PDCD4: variants seen among roughly 807,000 people sequenced by gnomAD.
PDCD4 encodes programmed cell death protein 4.
PDCD4 carries 56 observed loss-of-function variants against 54.0 expected under a neutral mutation model. That is an observed-to-expected ratio of 1.04 (90% CI 0.84 to 1.30). The LOEUF is 1.30. PDCD4 is among the 50% of genes most tolerant of loss of function. The pLI, the probability that PDCD4 is intolerant of heterozygous loss-of-function variation, is 0.00. For missense variants in PDCD4, 584 were observed against 559.8 expected (o/e 1.04, Z -0.44); for synonymous variants, 186 against 194.8 (o/e 0.95, Z 0.37).
chr10:110,896,098 T>G lies in PDCD4; in HGVS notation c.1349+11T>G. 1.9e-6 allele frequency: 3 copies of G among 1,569,456 alleles called. No homozygotes were observed. The South Asian group carries it at 3.5e-5, about 18-fold the overall frequency. On this transcript the variant is annotated intron_variant, in intron 11 of 11. Coordinates refer to ENST00000280154, the MANE Select transcript of PDCD4 (RefSeq NM_014456.5). ...TCTTTGTCCTTCAAGGTACTTTATT[T>G]AAATACTACTTTCTCAATGTAAAAT... is the stretch of plus-strand genomic sequence containing the variant.
At chr10:110,878,490 A>G (rs1845541364) in intron 2 of PDCD4, among the ~76,000 whole-genome samples, 2 of 152,200 alleles carry the variant, frequency 1.3e-5, no homozygotes, top group African/African-American at 2.4e-5. Flanking sequence ...TTACAGGTAG[A>G]TGTTTAATGT....
intron 5 of PDCD4, among the ~76,000 whole-genome samples, chr10:110,885,811 GT>G (rs1430622966): frequency 6.6e-6 from 1 of 151,254 alleles, no homozygotes; most frequent in Non-Finnish European, 1.5e-5. Flanking sequence ...TTTGTACTTT[GT>G]CCAAAAAAAA....
intron 3 of PDCD4, 100 bp downstream of exon 3, chr10:110,881,635 T>A (rs938367942): frequency 1.0e-6 from 1 of 955,096 alleles, no homozygotes; most frequent in African/African-American, 1.6e-5. Flanking sequence ...TGAGAGAGAT[T>A]CAAAAAGTGA....
At chr10:110,892,398 G>C (rs377430366) in intron 8 of PDCD4, among the ~76,000 whole-genome samples, 9 of 152,098 alleles carry the variant, frequency 5.9e-5, no homozygotes, top group African/African-American at 2.2e-4. Context: ...TGAGTTTGAG[G>C]TTGACATTAT....
At chr10:110,873,524 C>T (rs1845454700) in intron 1 of PDCD4, among the ~76,000 whole-genome samples, 1 of 152,172 alleles carries the variant, frequency 6.6e-6, no homozygotes, top group African/African-American at 2.4e-5. Context: ...TTTCGTGTAA[C>T]ACACTGGAGA....
At chr10:110,895,199 G>A (rs944606707) in intron 10 of PDCD4, among the ~76,000 whole-genome samples, 1 of 152,022 alleles carries the variant, frequency 6.6e-6, no homozygotes, top group Non-Finnish European at 1.5e-5. Context: ...TATAGTACCT[G>A]ATAGGTAATT....
At chr10:110,872,347 C>G (rs1845424926) in intron 1 of PDCD4, 1 of 152,316 alleles carries the variant, frequency 6.6e-6, no homozygotes. Context: ...CCTTGAAGGT[C>G]CCCCTCAGCC....
Position 110,885,385 on chromosome 10 carries a change from G to T in PDCD4, c.555+19G>T. 3 of 1,143,336 alleles carry T rather than the reference G, an allele frequency of 2.6e-6. No individual in the cohort carries two copies. The highest frequency in any genetic ancestry group is 3.9e-6 in the Non-Finnish European group (3 of 765,588). The allele number at this position is 1,143,336 out of a possible 1,614,324, so 70.8% of individuals were successfully genotyped here. On this transcript the variant is annotated intron_variant, in intron 5 of 11. Transcript: ENST00000280154. The stretch of plus-strand genomic sequence containing the variant: ...AGTTGCGGTAGGTTTAAAGTTGCAA[G>T]TATAATTTATTTAATATAGGAGAGA...
At chr10:110,877,408 C>CT (rs1203690351) in intron 2 of PDCD4, among the ~76,000 whole-genome samples, 3 of 152,076 alleles carry the variant, frequency 2.0e-5, no homozygotes, top group Non-Finnish European at 4.4e-5. Flanking sequence ...TGTGGCTACT[C>CT]TGAGTTGAGA....
At chr10:110,885,156 G>A in intron 4 of PDCD4, 97 bp from the exon 5 acceptor site, 1 of 629,436 alleles carries the variant, frequency 1.6e-6, no homozygotes, top group Non-Finnish European at 2.8e-6. Context: ...TGCTAAGTGG[G>A]GATTATTAAC....
Position 110,895,976 on chromosome 10 carries a change from C to T in PDCD4, c.1238C>T (p.Pro413Leu), listed in dbSNP as rs143151331. Reference protein sequence around the residue: ...RGYERIYNEIPDINLDVPHSY... With the variant: ...RGYERIYNEILDINLDVPHSY... The stretch of plus-strand genomic sequence containing the variant: ...TATGAGAGAATTTACAATGAAATTC[C>T]GGACATTAATCTGGATGTCCCACAT... Residue 413 changes from proline to leucine, a missense_variant, in exon 11 of 12, where the codon CCG (proline) becomes CTG (leucine). Pro to Leu is a moderately conservative substitution (Grantham distance 98). Transcript: ENST00000280154. 2.0e-5 allele frequency: 32 copies of T among 1,602,576 alleles called. No individual in the cohort carries two copies. The highest frequency in any genetic ancestry group is 8.6e-5 in the Admixed American group (5 of 58,280).
chr10:110,872,717 C>A (rs540275750), intron 1 of PDCD4, among the ~76,000 whole-genome samples: 229 of 152,358 alleles, frequency 1.5e-3, no homozygotes, highest in African/African-American at 5.1e-3. Context: ...GCCCGTCTTC[C>A]GGCAAAGGGT....
chr10:110,878,233 G>A (rs1016220608), intron 2 of PDCD4, among the ~76,000 whole-genome samples: 3 of 152,104 alleles, frequency 2.0e-5, no homozygotes, highest in African/African-American at 7.2e-5. Flanking sequence ...ATACAAACAT[G>A]GGTTAAAAAT....
chr10:110,888,289 A>C (rs1376325147), intron 6 of PDCD4, among the ~76,000 whole-genome samples: 2 of 152,264 alleles, frequency 1.3e-5, no homozygotes, highest in Middle Eastern at 3.4e-3. Context: ...TAGCTTTGAA[A>C]ATGTGAAATT....
At chr10:110,889,497 CT>C (rs770536234) in intron 6 of PDCD4, 35 bp from the exon 7 acceptor site, 31 of 1,245,040 alleles carry the variant, frequency 2.5e-5, no homozygotes, top group African/African-American at 4.6e-5. Flanking sequence ...AGTTATTTAA[CT>C]TTTTTTATAG....
chr10:110,894,553 T>TA (rs1282754962), intron 10 of PDCD4, 31 bp downstream of exon 10: 1 of 926,972 alleles, frequency 1.1e-6, no homozygotes, highest in Non-Finnish European at 1.7e-6. Context: ...GAACAACTTG[T>TA]AGGATTATGT....
chr10:110,898,078 A>G lies in PDCD4; in HGVS notation c.1400A>G (p.Glu467Gly). The stretch of plus-strand genomic sequence containing the variant: ...GGAGATGGAGGTCGTCTTAAACCAG[A>G]GAGCTACTGAATATAAGAACTCTTG... Reference protein sequence around the residue: ...SEGDGGRLKPESY With the variant: ...SEGDGGRLKPGSY Residue 467 changes from glutamate to glycine, a missense_variant, in exon 12 of 12, where the codon GAG becomes GGG. Glu to Gly is a moderately conservative substitution (Grantham distance 98). Transcript: ENST00000280154. 6.3e-7 allele frequency: 1 copy of G among 1,579,538 alleles called. No individual in the cohort carries two copies. Among genetic ancestry groups the G allele is most frequent in the Admixed American group, 1.7e-5 (1 of 57,984 alleles).
Position 110,885,152 on chromosome 10 carries a change from GT to G in PDCD4, c.442-100del, listed in dbSNP as rs1267178728. ...GTAGCATGTCTTTGTCTTGTGCTAA[GT>G]GGGGATTATTAACCACTTAGAATAT... On this transcript the variant is annotated intron_variant, in intron 4 of 11. Transcript: ENST00000280154. 47 of 623,894 alleles carry G rather than the reference GT, an allele frequency of 7.5e-5. No individual in the cohort carries two copies. The East Asian group carries it at 1.2e-3, about 16-fold the overall frequency. 38.6% of individuals were successfully genotyped at this position (623,894 alleles called of 1,614,324 possible). A position where few individuals can be genotyped will look rare whatever the true frequency, so the allele number is the denominator to read the frequency against.
At chr10:110,875,888 C>G in intron 1 of PDCD4, 78 bp from the exon 2 acceptor site, 7 of 562,678 alleles carry the variant, frequency 1.2e-5, no homozygotes, top group Non-Finnish European at 6.1e-6. Flanking sequence ...TTACAGTGTG[C>G]TTAAGTAAGT....
Sources: allele counts gnomAD v4.1 joint callset (sites outside exome capture counted in the v4.1 genomes callset), GRCh38; gene constraint gnomAD v4.1.1; transcripts MANE v1.5; gene names NCBI Gene and HGNC (gene_info 2026-07-23, HGNC 2026-07-21).